CTNNA2: variants seen among roughly 807,000 people sequenced by gnomAD.
CTNNA2 encodes the protein catenin alpha 2.
CTNNA2 carries 42 observed loss-of-function variants against 101.0 expected under a neutral mutation model. That is an observed-to-expected ratio of 0.42 (90% CI 0.32 to 0.54). CTNNA2 has a LOEUF of 0.54. CTNNA2 is among the 20% of genes least tolerant of loss of function. The pLI is 0.14. For missense variants in CTNNA2, 871 were observed against 1,223.1 expected (o/e 0.71, Z 4.29); for synonymous variants, 450 against 456.4 (o/e 0.99, Z 0.18).
chr2:79,314,508 C>T (rs997251395), intron 3 of CTNNA2, among the ~76,000 whole-genome samples: 3 of 152,056 alleles, frequency 2.0e-5, no homozygotes, highest in Admixed American at 2.0e-4. Context: ...TGCAGTGCAC[C>T]GTTATATTGA....
At chr2:79,635,136 GAGAA>G (rs1183346983) in intron 1 of CTNNA2, among the ~76,000 whole-genome samples, 6 of 152,114 alleles carry the variant, frequency 3.9e-5, no homozygotes, top group African/African-American at 1.2e-4. Context: ...GTGGTGGAGA[GAGAA>G]AGAAGAGATG....
chr2:80,431,720 C>T (rs1318778871), intron 9 of CTNNA2, among the ~76,000 whole-genome samples: 5 of 152,226 alleles, frequency 3.3e-5, no homozygotes, highest in Admixed American at 2.0e-4. Flanking sequence ...GTGACTGATC[C>T]GATGTCTGAA....
chr2:80,455,730 G>A (rs1683921346), intron 9 of CTNNA2, among the ~76,000 whole-genome samples: 1 of 152,204 alleles, frequency 6.6e-6, no homozygotes, highest in African/African-American at 2.4e-5. Flanking sequence ...AGTTTTAAAA[G>A]GAGATTCTAA....
chr2:80,338,015 G>A (rs1671904915), intron 7 of CTNNA2, among the ~76,000 whole-genome samples: 1 of 151,626 alleles, frequency 6.6e-6, no homozygotes, highest in Non-Finnish European at 1.5e-5. Context: ...TTGAGACAGA[G>A]TGTCACTCTG....
At chr2:79,289,342 T>G (rs1289784362) in intron 2 of CTNNA2, among the ~76,000 whole-genome samples, 1 of 152,304 alleles carries the variant, frequency 6.6e-6, no homozygotes, top group East Asian at 1.9e-4. Context: ...TAGGTAAATA[T>G]AGATTTAATG....
At chr2:80,581,157 G>A (rs1695501764) in intron 13 of CTNNA2, among the ~76,000 whole-genome samples, 1 of 152,116 alleles carries the variant, frequency 6.6e-6, no homozygotes, top group Non-Finnish European at 1.5e-5. Flanking sequence ...ATTTACAGAG[G>A]AAGTCAAACT....
intron 7 of CTNNA2, among the ~76,000 whole-genome samples, chr2:80,130,034 G>A (rs1702329957): frequency 6.6e-6 from 1 of 152,102 alleles, no homozygotes; most frequent in Non-Finnish European, 1.5e-5. Flanking sequence ...CAGGATGAGA[G>A]GGGATTACTA....
chr2:79,536,574 A>AGTATGTGTGTGTGTGTGTGT (rs34403615), intron 1 of CTNNA2, among the ~76,000 whole-genome samples: 20,668 of 146,386 alleles, frequency 0.14, 1,647 homozygotes, highest in Admixed American at 0.18. Context: ...TCTCTAAAGA[A>AGTATGTGTGTGTGTGTGTGT]GTGTGTGTGT....
intron 4 of CTNNA2, among the ~76,000 whole-genome samples, chr2:79,390,948 G>T (rs771810207): frequency 6.6e-6 from 1 of 152,162 alleles, no homozygotes; most frequent in Admixed American, 6.6e-5. Flanking sequence ...GAAAAAGATA[G>T]AAGTTCTTAA....
At chr2:80,604,035 T>G (rs1697784972) in intron 15 of CTNNA2, 39 bp from the exon 16 acceptor site, 1 of 1,564,914 alleles carries the variant, frequency 6.4e-7, no homozygotes, top group Non-Finnish European at 8.8e-7. Flanking sequence ...TTTCCCGTCA[T>G]TAAGTGGATT....
intron 7 of CTNNA2, among the ~76,000 whole-genome samples, chr2:79,966,760 G>A (rs1410100952): frequency 2.6e-5 from 4 of 152,112 alleles, no homozygotes; most frequent in South Asian, 2.1e-4. Flanking sequence ...TATCTTTTAC[G>A]ACTTTTAGCA....
At chr2:80,132,461 C>T (rs926542669) in intron 7 of CTNNA2, among the ~76,000 whole-genome samples, 13 of 152,238 alleles carry the variant, frequency 8.5e-5, no homozygotes, top group East Asian at 1.9e-4. Flanking sequence ...AATCCGAGTA[C>T]GTGTTTATGA....
At chr2:79,338,261 G>C (rs1302946215) in intron 3 of CTNNA2, among the ~76,000 whole-genome samples, 1 of 56,136 alleles carries the variant, frequency 1.8e-5, no homozygotes, top group African/African-American at 6.6e-5. Context: ...AAAAAAATTG[G>C]TAGTCAGGCA....
chr2:79,254,777 T>TAATC (rs3038824), intron 2 of CTNNA2, among the ~76,000 whole-genome samples: 92,331 of 151,638 alleles, frequency 0.61, 28,381 homozygotes, highest in East Asian at 0.64. Flanking sequence ...AAATAGGACT[T>TAATC]AAAATAAAAT....
At chr2:79,386,041 A>G (rs1678102309) in intron 4 of CTNNA2, among the ~76,000 whole-genome samples, 1 of 152,198 alleles carries the variant, frequency 6.6e-6, no homozygotes, top group Non-Finnish European at 1.5e-5. Flanking sequence ...CTTTGAGTAT[A>G]TACCCAGTAA....
At chr2:79,824,264 C>T (rs1266358166) in intron 3 of CTNNA2, among the ~76,000 whole-genome samples, 2 of 152,170 alleles carry the variant, frequency 1.3e-5, no homozygotes, top group Non-Finnish European at 2.9e-5. Flanking sequence ...AGAGGCTAAA[C>T]ACCATCTTCC....
At chr2:79,652,648 C>G (rs927219817) in intron 2 of CTNNA2, among the ~76,000 whole-genome samples, 1 of 152,074 alleles carries the variant, frequency 6.6e-6, no homozygotes, top group Non-Finnish European at 1.5e-5. Context: ...TCTCAAGATC[C>G]TTAACCCAAT....
intron 7 of CTNNA2, among the ~76,000 whole-genome samples, chr2:80,198,470 TTG>T (rs147397755): frequency 5.9e-5 from 9 of 152,292 alleles, no homozygotes; most frequent in African/African-American, 2.2e-4. Flanking sequence ...TATCAAGGGA[TTG>T]TGTCTTTGTT....
chr2:80,287,145 C>T (rs1298022900), intron 7 of CTNNA2, among the ~76,000 whole-genome samples: 2 of 152,106 alleles, frequency 1.3e-5, no homozygotes, highest in African/African-American at 4.8e-5. Flanking sequence ...TCAAGAAAAG[C>T]CTCATAGCTG....
Sources: gnomAD v4.1 joint callset for allele counts (sites outside exome capture counted in the v4.1 genomes callset) on GRCh38, gnomAD v4.1.1 for gene constraint, MANE v1.5 for transcripts, NCBI Gene and HGNC (gene_info 2026-07-23, HGNC 2026-07-21) for gene names.